The following RGS22 variants were observed in gnomAD, a reference collection of about 807,000 sequenced individuals.
The protein encoded by RGS22 is regulator of G-protein signaling 22.
A neutral mutation model predicts 172.9 loss-of-function variants in RGS22; 148 were observed. That is an observed-to-expected ratio of 0.86 (90% confidence interval 0.75 to 0.98). The LOEUF (loss-of-function observed/expected upper bound fraction) is 0.98, where lower values mean the gene tolerates loss of function less well. Among genes scored for constraint, RGS22 ranks in the 50% least tolerant of loss-of-function variants. RGS22 has a pLI of 0.00. For missense variants in RGS22, 1,347 were observed against 1,440.8 expected (o/e 0.93, Z 1.05); for synonymous variants, 458 against 480.2 (o/e 0.95, Z 0.60).
intron 23 of RGS22, among the ~76,000 whole-genome samples, chr8:99,970,491 T>C (rs1451902297): frequency 6.6e-6 from 1 of 151,486 alleles, no homozygotes; most frequent in Non-Finnish European, 1.5e-5. Context: ...CCCAGACTAA[T>C]AAAGAAGAAA....
chr8:99,965,681 C>T (rs992386968), intron 23 of RGS22, among the ~76,000 whole-genome samples: 5 of 152,022 alleles, frequency 3.3e-5, no homozygotes, highest in Admixed American at 1.3e-4. Context: ...AAATCATTCC[C>T]AAATTCTGGA....
At position 100,046,891 on chromosome 8, in the gene RGS22, C is replaced by T. The variant is rs371708930; in HGVS notation, c.1823+572G>A. On this transcript the variant is annotated intron_variant, in intron 11 of 27. Coordinates refer to ENST00000360863, the MANE Select transcript of RGS22 (RefSeq NM_015668.5). ...AGTGCAGTGAAATGACCTTGGCTCA[C>T]TGCAACTCTGCCTCCCGGGTTCAAG... Among the ~76,000 whole-genome samples, 9 of 152,064 alleles carry T rather than the reference C, an allele frequency of 5.9e-5. No homozygotes were observed. The East Asian group carries it at 1.5e-3, about 26-fold the overall frequency.
At chr8:100,098,837 ATT>A (rs763042158) in intron 2 of RGS22, among the ~76,000 whole-genome samples, 86,565 of 142,722 alleles carry the variant, frequency 0.61, 27,817 homozygotes, top group African/African-American at 0.68. Flanking sequence ...ACCCCCTTTT[ATT>A]TTTTTATTTA....
chr8:100,066,271 CA>C lies in RGS22; in HGVS notation c.619del (p.Trp207GlyfsTer4). The C allele has an allele frequency of 6.2e-7, 1 of 1,613,054 alleles. No individual in the cohort carries two copies. Among genetic ancestry groups the C allele is most frequent in the South Asian group, 1.1e-5 (1 of 91,022 alleles). On this transcript the variant is annotated frameshift_variant, in exon 7 of 28. Transcript: ENST00000360863. LOFTEE classifies it high-confidence loss of function. The stretch of plus-strand genomic sequence containing the variant: ...CTGACTTTGTTTTGCTAATGCAAAC[CA>C]ATCTTTTGTTTGAGTATAGGAAGCC... ...GEASYTQTKD[W>X]FALAKQSQQT...
At chr8:100,049,928 A>C (rs1209505175) in intron 10 of RGS22, among the ~76,000 whole-genome samples, 1 of 151,974 alleles carries the variant, frequency 6.6e-6, no homozygotes, top group African/African-American at 2.4e-5. Flanking sequence ...GGGTGCCTGT[A>C]GTACCAGCTA....
intron 20 of RGS22, 112 bp downstream of exon 20, chr8:99,996,350 T>G: frequency 1.2e-6 from 1 of 823,624 alleles, no homozygotes; most frequent in Non-Finnish European, 2.0e-6. Flanking sequence ...CAGTTGTCAG[T>G]TTAGAAAACA....
At chr8:100,015,999 G>C (rs1816906697) in intron 14 of RGS22, among the ~76,000 whole-genome samples, 1 of 152,166 alleles carries the variant, frequency 6.6e-6, no homozygotes. Context: ...GTTTCATTCT[G>C]AAAAGTATCT....
At chr8:99,986,261 C>T (rs1390337314) in intron 21 of RGS22, among the ~76,000 whole-genome samples, 22 of 152,154 alleles carry the variant, frequency 1.4e-4, no homozygotes, top group Non-Finnish European at 2.9e-5. Flanking sequence ...ATTATAGTCT[C>T]AGCTGAGAAT....
rs780185732 is a variant in RGS22 at position 100,041,849 on chromosome 8, G to A, written c.1891C>T (p.Leu631Phe). ...LTSFTDISEC[L>F]KPQLDRRYAY... ...TATCTTCTATCCAGCTGGGGCTTGA[G>A]ACATTCAGAAATGTCAGTAAAAGAT... Residue 631 changes from leucine to phenylalanine, a missense_variant, in exon 12 of 28, where the codon CTC becomes TTC. Leu to Phe is a conservative substitution (Grantham distance 22). Transcript: ENST00000360863. 2.5e-6 allele frequency: 4 copies of A among 1,613,150 alleles called. No homozygotes were observed. The highest frequency in any genetic ancestry group is 3.4e-6 in the Non-Finnish European group (4 of 1,179,476).
rs577245038 is a variant in RGS22 at position 100,014,485 on chromosome 8, A to T, written c.2167-5916T>A. On this transcript the variant is annotated intron_variant, in intron 14 of 27. Transcript: ENST00000360863. The stretch of plus-strand genomic sequence containing the variant: ...GACAATGAACTCAAAGATCACTAAA[A>T]ACCACATAATCGCCAATTCAATAGC... 6.6e-5 allele frequency among the ~76,000 whole-genome samples: 10 copies of T among 152,264 alleles called. No individual in the cohort carries two copies. The South Asian group carries it at 1.7e-3, about 25-fold the overall frequency.
At chr8:100,018,429 GACACACAC>G (rs35311553) in intron 14 of RGS22, among the ~76,000 whole-genome samples, 1 of 150,778 alleles carries the variant, frequency 6.6e-6, no homozygotes, top group Non-Finnish European at 1.5e-5. Flanking sequence ...AATAAATGAA[GACACACAC>G]ACACACACAC....
At chr8:100,053,907 TA>T (rs755332246) in intron 9 of RGS22, among the ~76,000 whole-genome samples, 28 of 152,202 alleles carry the variant, frequency 1.8e-4, no homozygotes, top group Non-Finnish European at 3.8e-4. Context: ...GTGCTGGGAT[TA>T]CAGGCGTGAG....
chr8:99,987,900 C>T (rs1189451176), intron 20 of RGS22, among the ~76,000 whole-genome samples: 1 of 151,980 alleles, frequency 6.6e-6, no homozygotes, highest in African/African-American at 2.4e-5. Context: ...TGAAAAACTA[C>T]TTTTTAGTGC....
chr8:100,096,970 G>C (rs1320861239), intron 2 of RGS22, among the ~76,000 whole-genome samples: 1 of 152,146 alleles, frequency 6.6e-6, no homozygotes, highest in Non-Finnish European at 1.5e-5. Context: ...AAGGAAAGAC[G>C]TTATCTGGTA....
intron 20 of RGS22, among the ~76,000 whole-genome samples, chr8:99,992,458 T>G (rs7014548): frequency 0.66 from 99,781 of 151,908 alleles, 33,822 homozygotes; most frequent in African/African-American, 0.84. Context: ...AAAAGCAGGG[T>G]TTGCAATCCT....
chr8:100,104,363 T>G (rs1323871839), intron 2 of RGS22, among the ~76,000 whole-genome samples: 3 of 124,456 alleles, frequency 2.4e-5, no homozygotes, highest in African/African-American at 1.4e-4. Context: ...TGTGTGTGTA[T>G]TTTTTTTTTT....
intron 6 of RGS22, 21 bp downstream of exon 6, chr8:100,071,348 A>C: frequency 6.4e-7 from 1 of 1,574,216 alleles, no homozygotes; most frequent in Non-Finnish European, 8.6e-7. Flanking sequence ...CTAAGTCATG[A>C]AAAAATGCTC....
At chr8:100,059,125 A>ATGAGGT in intron 9 of RGS22, among the ~76,000 whole-genome samples, 1 of 152,158 alleles carries the variant, frequency 6.6e-6, no homozygotes, top group African/African-American at 2.4e-5. Context: ...GGTAACCTCA[A>ATGAGGT]ACCAAAAAAC....
chr8:100,001,633 A>T (rs1815100877), intron 18 of RGS22, among the ~76,000 whole-genome samples: 1 of 152,234 alleles, frequency 6.6e-6, no homozygotes, highest in Admixed American at 6.5e-5. Context: ...CAAAATGTTC[A>T]AACTGTCCTG....
Sources: allele counts gnomAD v4.1 joint callset (sites outside exome capture counted in the v4.1 genomes callset), GRCh38; gene constraint gnomAD v4.1.1; transcripts MANE v1.5; gene names NCBI Gene and HGNC (gene_info 2026-07-23, HGNC 2026-07-21).